The following FHIT variants were observed in gnomAD, a reference collection of about 807,000 sequenced individuals.
FHIT encodes the protein fragile histidine triad diadenosine triphosphatase, also known as bis(5'-adenosyl)-triphosphatase.
In FHIT, 19 loss-of-function variants were observed where a neutral mutation model predicts 17.9. That is an observed-to-expected ratio of 1.06 (90% confidence interval 0.74 to 1.56). The LOEUF (loss-of-function observed/expected upper bound fraction) is 1.56. FHIT is among the 40% of genes most tolerant of loss of function. The probability of loss-of-function intolerance (pLI) is 0.00; values close to 1 mark genes in which losing one functional copy is unlikely to be tolerated. For missense variants in FHIT, 248 were observed against 189.2 expected (o/e 1.31, Z -1.82); for synonymous variants, 81 against 69.7 (o/e 1.16, Z -0.81).
At chr3:59,798,213 A>G (rs1261723552) in intron 8 of FHIT, among the ~76,000 whole-genome samples, 1 of 152,204 alleles carries the variant, frequency 6.6e-6, no homozygotes, top group Non-Finnish European at 1.5e-5. Context: ...GAAAAATACT[A>G]AAGCAGAAGG....
chr3:60,481,025 C>T (rs1236240865), intron 5 of FHIT, among the ~76,000 whole-genome samples: 3 of 152,206 alleles, frequency 2.0e-5, no homozygotes, highest in Admixed American at 1.3e-4. Flanking sequence ...TCCATGAGGG[C>T]TCTGCCCCTG....
chr3:59,816,989 A>G (rs1389406632), intron 8 of FHIT, among the ~76,000 whole-genome samples: 1 of 152,142 alleles, frequency 6.6e-6, no homozygotes, highest in African/African-American at 2.4e-5. Context: ...GACCTAAACA[A>G]AAGTGGACCT....
At chr3:60,465,055 T>G (rs2032707683) in intron 5 of FHIT, among the ~76,000 whole-genome samples, 1 of 152,102 alleles carries the variant, frequency 6.6e-6, no homozygotes, top group Admixed American at 6.6e-5. Flanking sequence ...TTCATTATTT[T>G]GTGTCCTCTT....
intron 3 of FHIT, among the ~76,000 whole-genome samples, chr3:60,941,864 A>G (rs1216848859): frequency 6.6e-6 from 1 of 152,210 alleles, no homozygotes; most frequent in East Asian, 1.9e-4. Flanking sequence ...TTGAGATCAA[A>G]GCTTAAATAT....
chr3:59,905,799 A>T (rs1704560631), intron 8 of FHIT, among the ~76,000 whole-genome samples: 1 of 152,358 alleles, frequency 6.6e-6, no homozygotes, highest in Middle Eastern at 3.4e-3. Context: ...CAACGTTCAC[A>T]GCTTAAAGAC....
chr3:60,173,915 A>ATATATATATATATTTTTT, intron 5 of FHIT, among the ~76,000 whole-genome samples: 7 of 66,422 alleles, frequency 1.1e-4, no homozygotes, highest in South Asian at 4.7e-4. Flanking sequence ...ATATATATAT[A>ATATATATATATATTTTTT]TGTTTTTTTT....
intron 1 of FHIT, among the ~76,000 whole-genome samples, chr3:61,237,284 T>A (rs947821393): frequency 6.6e-6 from 1 of 152,228 alleles, no homozygotes; most frequent in Non-Finnish European, 1.5e-5. Context: ...TGACAGATAT[T>A]AATATTTATC....
chr3:60,665,355 T>C (rs1273046793), intron 4 of FHIT, among the ~76,000 whole-genome samples: 3 of 152,028 alleles, frequency 2.0e-5, no homozygotes, highest in African/African-American at 7.2e-5. Context: ...GTAGTTCTAT[T>C]TGTTGTTGAG....
At chr3:59,850,560 T>C (rs1334072913) in intron 8 of FHIT, among the ~76,000 whole-genome samples, 1 of 151,986 alleles carries the variant, frequency 6.6e-6, no homozygotes, top group East Asian at 1.9e-4. Context: ...AAGCTAAAGG[T>C]CAAGCTATTA....
chr3:60,481,129 A>C (rs1293438272), intron 5 of FHIT, among the ~76,000 whole-genome samples: 1 of 152,220 alleles, frequency 6.6e-6, no homozygotes, highest in Non-Finnish European at 1.5e-5. Context: ...TAGAGAAAAA[A>C]GAATGAAGAG....
At chr3:59,810,410 G>C (rs187875339) in intron 8 of FHIT, among the ~76,000 whole-genome samples, 2 of 152,164 alleles carry the variant, frequency 1.3e-5, no homozygotes, top group African/African-American at 4.8e-5. Context: ...TCCTCAGAGT[G>C]ACCCTCCCAA....
chr3:60,971,683 C>A lies in FHIT; in HGVS notation c.-111+70364G>T, dbSNP rs1460167837. On this transcript the variant is annotated intron_variant, in intron 3 of 9. Transcript: ENST00000492590. ...GTTTGCAGTTAGATCTAGAGGCATG[C>A]AGATTCAAGTTCATTTGTTTTGTTT... Among the ~76,000 whole-genome samples, 4 of 152,194 alleles carry A rather than the reference C, an allele frequency of 2.6e-5. No individual in the cohort carries two copies. The South Asian group carries it at 6.2e-4, about 24-fold the overall frequency.
intron 5 of FHIT, among the ~76,000 whole-genome samples, chr3:60,206,149 A>AATAATAATAATAATAATAATAATAAT (rs1553712155): frequency 3.2e-5 from 3 of 94,140 alleles, no homozygotes; most frequent in Non-Finnish European, 4.2e-5. Flanking sequence ...AAAAAAAAAT[A>AATAATAATAATAATAATAATAATAAT]AATAATAATA....
chr3:59,856,217 T>A (rs1180183898), intron 8 of FHIT, among the ~76,000 whole-genome samples: 6 of 152,178 alleles, frequency 3.9e-5, no homozygotes, highest in African/African-American at 1.4e-4. Flanking sequence ...TTAGATGAAA[T>A]GTATAAATGC....
chr3:61,235,571 G>A (rs767515133), intron 1 of FHIT, among the ~76,000 whole-genome samples: 3 of 152,186 alleles, frequency 2.0e-5, no homozygotes, highest in Admixed American at 6.5e-5. Flanking sequence ...GTGCAGTGGC[G>A]CATGCCTGTA....
chr3:60,574,493 C>T (rs567864778), intron 4 of FHIT, among the ~76,000 whole-genome samples: 6 of 151,804 alleles, frequency 4.0e-5, no homozygotes, highest in South Asian at 2.1e-4. Context: ...GCAGGCACTA[C>T]GAGCTTAGAC....
At chr3:61,122,550 C>T (rs981541303) in intron 2 of FHIT, among the ~76,000 whole-genome samples, 7 of 152,144 alleles carry the variant, frequency 4.6e-5, no homozygotes, top group Non-Finnish European at 7.4e-5. Context: ...AAAGAAACTA[C>T]GATCAGAGTG....
intron 5 of FHIT, among the ~76,000 whole-genome samples, chr3:60,303,651 C>G (rs577521341): frequency 2.0e-5 from 3 of 152,246 alleles, no homozygotes. Context: ...ATCCCTGAAG[C>G]CTTGAGATAA....
chr3:59,917,916 A>T (rs901094765), intron 8 of FHIT, among the ~76,000 whole-genome samples: 2 of 152,242 alleles, frequency 1.3e-5, no homozygotes, highest in Non-Finnish European at 2.9e-5. Context: ...CAAGTTAGTT[A>T]TCAACTTCGA....
Sources: gnomAD v4.1 joint callset for allele counts (sites outside exome capture counted in the v4.1 genomes callset) on GRCh38, gnomAD v4.1.1 for gene constraint, MANE v1.5 for transcripts, NCBI Gene and HGNC (gene_info 2026-07-23, HGNC 2026-07-21) for gene names.